The following ZNF521 variants were observed in gnomAD, a reference collection of about 807,000 sequenced individuals.
ZNF521 encodes the protein zinc finger protein 521.
A neutral mutation model predicts 105.5 loss-of-function variants in ZNF521; 14 were observed. That is an observed-to-expected ratio of 0.13 (90% CI 0.09 to 0.21). The LOEUF is 0.21. ZNF521 is among the 10% of genes least tolerant of loss of function. ZNF521 has a pLI of 1.00. For synonymous variants in ZNF521, 635 were observed against 606.0 expected, an observed-to-expected ratio of 1.05 and a Z score of -0.70; for missense variants, 1,233 against 1,629.7, an observed-to-expected ratio of 0.76 and a Z score of 4.19.
chr18:25,314,622 T>C (rs983568595), intron 3 of ZNF521, among the ~76,000 whole-genome samples: 2 of 152,232 alleles, frequency 1.3e-5, no homozygotes, highest in Admixed American at 1.3e-4. Flanking sequence ...ATATATCTGG[T>C]CTACAAATGT....
chr18:25,316,470 T>C (rs948231281), intron 3 of ZNF521, among the ~76,000 whole-genome samples: 7 of 148,916 alleles, frequency 4.7e-5, no homozygotes, highest in Non-Finnish European at 1.0e-4. Context: ...AAGAAGAGAA[T>C]TCAAGCAGTG....
intron 7 of ZNF521, among the ~76,000 whole-genome samples, chr18:25,063,198 CA>C (rs2032956576): frequency 3.3e-5 from 5 of 152,320 alleles, no homozygotes; most frequent in African/African-American, 1.2e-4. Flanking sequence ...GCGTGATTTC[CA>C]TTGGTTACAT....
intron 5 of ZNF521, among the ~76,000 whole-genome samples, chr18:25,093,764 G>A (rs185537356): frequency 3.4e-3 from 518 of 152,234 alleles, no homozygotes; most frequent in African/African-American, 0.012. Flanking sequence ...GAGTTTAATT[G>A]TGCATACTGA....
chr18:25,095,228 C>T (rs1018915108), intron 5 of ZNF521, among the ~76,000 whole-genome samples: 5 of 152,112 alleles, frequency 3.3e-5, no homozygotes, highest in African/African-American at 9.7e-5. Context: ...GGGATACTAT[C>T]AGCACCTCTA....
At chr18:25,112,913 T>TATA (rs1244916545) in intron 5 of ZNF521, among the ~76,000 whole-genome samples, 3 of 152,102 alleles carry the variant, frequency 2.0e-5, no homozygotes, top group African/African-American at 7.2e-5. Context: ...TGTGCTGCCC[T>TATA]TGCCTGGTCC....
intron 5 of ZNF521, among the ~76,000 whole-genome samples, chr18:25,113,763 C>CGG (rs1555635308): frequency 0.033 from 2,090 of 63,458 alleles, 23 homozygotes; most frequent in Middle Eastern, 0.089. Flanking sequence ...GACGGACGGA[C>CGG]ACACACACAC....
intron 3 of ZNF521, among the ~76,000 whole-genome samples, chr18:25,301,110 C>T (rs755799001): frequency 9.9e-5 from 15 of 152,154 alleles, no homozygotes; most frequent in Non-Finnish European, 2.1e-4. Context: ...CATATCTATA[C>T]CCAGTTTTAC....
chr18:25,067,745 AAAATT>A (rs1224616013), intron 7 of ZNF521, among the ~76,000 whole-genome samples: 4 of 152,170 alleles, frequency 2.6e-5, no homozygotes, highest in Non-Finnish European at 4.4e-5. Context: ...CTAGAGTTGA[AAAATT>A]AAATTCCCAA....
chr18:25,341,829 T>C (rs183734480), intron 2 of ZNF521, among the ~76,000 whole-genome samples: 3 of 152,266 alleles, frequency 2.0e-5, no homozygotes, highest in Non-Finnish European at 4.4e-5. Context: ...TCTCATCCAG[T>C]TTTCTAGACT....
intron 3 of ZNF521, chr18:25,231,642 C>T (rs1269128924): frequency 6.6e-6 from 1 of 152,156 alleles, no homozygotes; most frequent in East Asian, 1.9e-4. Flanking sequence ...GGGTTCTGGC[C>T]ACTCGCTGGT....
intron 2 of ZNF521, among the ~76,000 whole-genome samples, chr18:25,329,725 A>G (rs1913444795): frequency 6.6e-6 from 1 of 152,202 alleles, no homozygotes; most frequent in African/African-American, 2.4e-5. Flanking sequence ...CACTGCTATG[A>G]GAAATCACTG....
intron 3 of ZNF521, among the ~76,000 whole-genome samples, chr18:25,285,681 T>TTC (rs367897394): frequency 0.065 from 9,596 of 146,546 alleles, 322 homozygotes; most frequent in African/African-American, 0.1. Flanking sequence ...GTAGTTGCAC[T>TTC]TCTCTCTCTC....
chr18:25,335,802 A>C (rs1214314304), intron 2 of ZNF521, among the ~76,000 whole-genome samples: 2 of 152,214 alleles, frequency 1.3e-5, no homozygotes, highest in Admixed American at 6.5e-5. Flanking sequence ...AAAAGAAAAG[A>C]TAGTGTCTAC....
intron 5 of ZNF521, among the ~76,000 whole-genome samples, chr18:25,142,665 A>G (rs1476856805): frequency 2.6e-5 from 4 of 152,288 alleles, no homozygotes; most frequent in Non-Finnish European, 5.9e-5. Context: ...AACTAGAGCC[A>G]GCTCACTACA....
intron 5 of ZNF521, among the ~76,000 whole-genome samples, chr18:25,172,925 G>A (rs1418772000): frequency 6.6e-6 from 1 of 152,202 alleles, no homozygotes. Context: ...CTATTAGGCA[G>A]ATATCATGTT....
At chr18:25,339,537 A>T (rs139215229) in intron 2 of ZNF521, among the ~76,000 whole-genome samples, 5 of 152,326 alleles carry the variant, frequency 3.3e-5, no homozygotes, top group South Asian at 2.1e-4. Flanking sequence ...CTCTACCAGG[A>T]TATAGACAAT....
intron 3 of ZNF521, among the ~76,000 whole-genome samples, chr18:25,247,852 T>C (rs564985555): frequency 6.6e-6 from 1 of 152,094 alleles, no homozygotes; most frequent in East Asian, 1.9e-4. Flanking sequence ...TGAAGGAGTA[T>C]CCCAGTGACA....
intron 3 of ZNF521, among the ~76,000 whole-genome samples, chr18:25,233,643 T>C (rs1254185935): frequency 2.0e-5 from 3 of 149,768 alleles, no homozygotes; most frequent in Non-Finnish European, 4.4e-5. Flanking sequence ...ATTCCAGATA[T>C]CAGAGCTCAA....
intron 3 of ZNF521, among the ~76,000 whole-genome samples, chr18:25,259,822 G>A (rs911961242): frequency 6.6e-6 from 1 of 152,122 alleles, no homozygotes; most frequent in Non-Finnish European, 1.5e-5. Flanking sequence ...CTCAGTGAAG[G>A]CCTCCCAGAG....
Sources: gnomAD v4.1 joint callset for allele counts (sites outside exome capture counted in the v4.1 genomes callset) on GRCh38, gnomAD v4.1.1 for gene constraint, MANE v1.5 for transcripts, NCBI Gene and HGNC (gene_info 2026-07-23, HGNC 2026-07-21) for gene names.